The following UNC13C variants were observed in gnomAD, a reference collection of about 807,000 sequenced individuals.
The protein encoded by UNC13C is protein unc-13 homolog C.
A neutral mutation model predicts 245.4 loss-of-function variants in UNC13C; 174 were observed. That is an observed-to-expected ratio of 0.71 (90% CI 0.63 to 0.80). UNC13C has a LOEUF of 0.80. Among genes scored for constraint, UNC13C ranks in the 30% least tolerant of loss-of-function variants. UNC13C has a pLI of 0.00. For synonymous variants in UNC13C, 992 were observed against 895.1 expected, an observed-to-expected ratio of 1.11 and a Z score of -1.93; for missense variants, 2,829 against 2,602.9, an observed-to-expected ratio of 1.09 and a Z score of -1.89.
At chr15:54,623,997 T>A (rs769927020) in intron 32 of UNC13C, 43 bp downstream of exon 32, 2 of 1,609,840 alleles carry the variant, frequency 1.2e-6, no homozygotes, top group Non-Finnish European at 1.7e-6. Flanking sequence ...AGGCAATAGT[T>A]ACTGTACAGC....
At chr15:53,866,459 C>T in the UNC13C span, among the ~76,000 whole-genome samples, 1 of 152,154 alleles carries the variant, frequency 6.6e-6, no homozygotes. Flanking sequence ...AGAGATTTAA[C>T]AAGTTTAAAT....
intron 17 of UNC13C, among the ~76,000 whole-genome samples, chr15:54,386,809 T>C (rs758702785): frequency 1.3e-5 from 2 of 152,086 alleles, no homozygotes; most frequent in Non-Finnish European, 2.9e-5. Context: ...GGAGGTAGCA[T>C]TAGGTGGTAA....
intron 10 of UNC13C, among the ~76,000 whole-genome samples, chr15:54,266,409 A>G (rs2036550530): frequency 6.6e-6 from 1 of 152,026 alleles, no homozygotes; most frequent in Non-Finnish European, 1.5e-5. Context: ...TTACGTGTTA[A>G]AATAGAAGAC....
At chr15:54,449,750 C>T (rs185298665) in intron 19 of UNC13C, among the ~76,000 whole-genome samples, 34 of 152,206 alleles carry the variant, frequency 2.2e-4, no homozygotes, top group African/African-American at 7.9e-4. Context: ...GAAGTTTGAT[C>T]GTCAGAAGCC....
chr15:53,914,396 C>A, the UNC13C span: 1 of 152,226 alleles, frequency 6.6e-6, no homozygotes, highest in Non-Finnish European at 1.5e-5. Context: ...AGACATGGCT[C>A]TTGGGGCTCG....
chr15:54,540,105 G>C (rs1896176407), intron 26 of UNC13C, among the ~76,000 whole-genome samples: 1 of 152,072 alleles, frequency 6.6e-6, no homozygotes, highest in South Asian at 2.1e-4. Context: ...ATGCTTAAAA[G>C]CCAGATATTG....
intron 7 of UNC13C, 70 bp from the exon 8 acceptor site, chr15:54,250,155 T>G: frequency 1.4e-6 from 2 of 1,423,166 alleles, no homozygotes; most frequent in Non-Finnish European, 2.0e-6. Context: ...ATAAAATGGT[T>G]TGTTTTATTT....
chr15:53,990,476 G>C (rs997518057), intron 1 of UNC13C, among the ~76,000 whole-genome samples: 1 of 152,038 alleles, frequency 6.6e-6, no homozygotes, highest in Non-Finnish European at 1.5e-5. Flanking sequence ...ATCTGTATAT[G>C]AAGGACATAT....
intron 27 of UNC13C, among the ~76,000 whole-genome samples, chr15:54,547,527 T>G (rs1483273110): frequency 6.6e-6 from 1 of 152,162 alleles, no homozygotes; most frequent in Non-Finnish European, 1.5e-5. Flanking sequence ...GATAAATTGA[T>G]GCAAATAATG....
intron 2 of UNC13C, among the ~76,000 whole-genome samples, chr15:54,073,362 A>G (rs376636298): frequency 6.6e-6 from 1 of 152,148 alleles, no homozygotes; most frequent in East Asian, 1.9e-4. Flanking sequence ...GTGTCTTTAT[A>G]GTTGAATGAT....
intron 4 of UNC13C, among the ~76,000 whole-genome samples, chr15:54,226,992 A>AGGGAAGGGTAGGG: frequency 6.6e-6 from 1 of 152,192 alleles, no homozygotes; most frequent in East Asian, 1.9e-4. Context: ...GGCATGTTTC[A>AGGGAAGGGTAGGG]GCCCTGTTTA....
At chr15:54,511,635 A>G (rs1894743861) in intron 23 of UNC13C, 118 bp from the exon 24 acceptor site, 1 of 674,624 alleles carries the variant, frequency 1.5e-6, no homozygotes, top group African/African-American at 1.8e-5. Flanking sequence ...GAATTAGTAT[A>G]TACATCTAAT....
intron 13 of UNC13C, 85 bp downstream of exon 13, chr15:54,300,458 A>G: frequency 7.9e-7 from 1 of 1,268,858 alleles, no homozygotes. Context: ...TTCTAATTCA[A>G]ATGAAACTGA....
Position 54,235,022 on chromosome 15 carries a change from T to C in UNC13C, c.3072-8T>C, listed in dbSNP as rs1293836763. The C allele has an allele frequency of 6.8e-6, 11 of 1,613,528 alleles. No homozygotes were observed. The South Asian group carries it at 1.2e-4, about 18-fold the overall frequency. ...CATTGCAATTATTGGTTTTATTTTG[T>C]CTTTCAGGGCTGGAGGTGGACTTTA... is the stretch of plus-strand genomic sequence containing the variant. On this transcript the variant is annotated splice_region_variant and splice_polypyrimidine_tract_variant and intron_variant, in intron 4 of 32. Transcript: ENST00000260323.
At chr15:54,570,800 TA>T (rs1228514039) in intron 30 of UNC13C, among the ~76,000 whole-genome samples, 1 of 152,230 alleles carries the variant, frequency 6.6e-6, no homozygotes, top group Non-Finnish European at 1.5e-5. Context: ...TAACAAATCC[TA>T]AAGTTATAGT....
chr15:54,207,357 A>G (rs1807250787), intron 4 of UNC13C, among the ~76,000 whole-genome samples: 1 of 151,788 alleles, frequency 6.6e-6, no homozygotes, highest in African/African-American at 2.4e-5. Context: ...AAATATTATA[A>G]TTTTCTTATT....
chr15:54,443,684 T>C (rs1456521304), intron 19 of UNC13C, among the ~76,000 whole-genome samples: 2 of 152,072 alleles, frequency 1.3e-5, no homozygotes, highest in East Asian at 3.9e-4. Flanking sequence ...AGGAGCATGA[T>C]TTATAAATTT....
the UNC13C span, among the ~76,000 whole-genome samples, chr15:53,940,421 C>A: frequency 6.6e-6 from 1 of 152,070 alleles, no homozygotes; most frequent in African/African-American, 2.4e-5. Context: ...TAAGGATGCC[C>A]TCTCCCACCA....
At chr15:53,961,363 G>A in the UNC13C span, among the ~76,000 whole-genome samples, 1 of 152,224 alleles carries the variant, frequency 6.6e-6, no homozygotes, top group Non-Finnish European at 1.5e-5. Context: ...TTTGCAAAGA[G>A]GGCTACAGAA....
Sources: gnomAD v4.1 joint callset for allele counts (sites outside exome capture counted in the v4.1 genomes callset) on GRCh38, gnomAD v4.1.1 for gene constraint, MANE v1.5 for transcripts, NCBI Gene and HGNC (gene_info 2026-07-23, HGNC 2026-07-21) for gene names.